Variants in PALS2 observed in about 807,000 individuals in gnomAD.
PALS2 encodes protein associated with LIN7 2, MAGUK p55 family member.
PALS2 carries 27 observed loss-of-function variants against 61.6 expected under a neutral mutation model. The observed-to-expected ratio is 0.44, with a 90% CI of 0.32 to 0.60. PALS2 has a LOEUF of 0.60. PALS2 is among the 20% of genes least tolerant of loss of function. The pLI is 0.05. For missense variants in PALS2, 554 were observed against 639.4 expected (o/e 0.87, Z 1.44); for synonymous variants, 236 against 218.6 (o/e 1.08, Z -0.70).
intron 5 of PALS2, 104 bp from the exon 6 acceptor site, chr7:24,663,486 T>C (rs1374389695): frequency 2.7e-6 from 3 of 1,120,894 alleles, no homozygotes; most frequent in Non-Finnish European, 3.7e-6. Context: ...AAGTACTAAA[T>C]ACATTGTCAG....
At chr7:24,641,526 G>T (rs1583927751) in intron 2 of PALS2, among the ~76,000 whole-genome samples, 190 bp from the exon 3 acceptor site, 4 of 151,822 alleles carry the variant, frequency 2.6e-5, no homozygotes, top group African/African-American at 4.8e-5. Flanking sequence ...TAGAGGCCAA[G>T]ATTTATTATA....
chr7:24,671,772 A>G (rs551592014), intron 9 of PALS2, among the ~76,000 whole-genome samples: 4 of 152,224 alleles, frequency 2.6e-5, no homozygotes, highest in Non-Finnish European at 4.4e-5. Context: ...TCCAGTTGTC[A>G]CAACACAATT....
chr7:24,619,650 G>A (rs537238533), intron 1 of PALS2, among the ~76,000 whole-genome samples: 2 of 150,778 alleles, frequency 1.3e-5, no homozygotes, highest in South Asian at 2.1e-4. Flanking sequence ...CCTGGGAGGC[G>A]GAGCTTGCAG....
intron 2 of PALS2, among the ~76,000 whole-genome samples, chr7:24,640,688 C>CT (rs1304991256): frequency 1.3e-5 from 2 of 152,240 alleles, no homozygotes; most frequent in East Asian, 3.9e-4. Flanking sequence ...TAACACTCGG[C>CT]TTTACTCCTA....
rs1215789303 is a variant in PALS2, at chr7:24,598,972, A to T, written c.-2-24694A>T. 2.6e-5 allele frequency among the ~76,000 whole-genome samples: 4 copies of T among 152,218 alleles called. No individual in the cohort carries two copies. In the South Asian group the frequency reaches 8.3e-4, roughly 32 times the overall value. Reference sequence around the variant, plus strand: ...TGTGAAATATTTCGCCCAGTACTTTAAAGGATGATACATAATCAAAAGTAA... The same window carrying T: ...TGTGAAATATTTCGCCCAGTACTTTTAAGGATGATACATAATCAAAAGTAA... On this transcript the variant is annotated intron_variant, in intron 1 of 11. Transcript: ENST00000222644.
chr7:24,645,368 TAGG>T (rs1562637765), intron 3 of PALS2, among the ~76,000 whole-genome samples: 55 of 152,316 alleles, frequency 3.6e-4, no homozygotes, highest in African/African-American at 1.3e-3. Flanking sequence ...ATTTATTGAA[TAGG>T]GAGTCTTTTC....
intron 2 of PALS2, among the ~76,000 whole-genome samples, chr7:24,635,949 T>C (rs1785214159): frequency 1.3e-5 from 2 of 152,080 alleles, no homozygotes; most frequent in Non-Finnish European, 2.9e-5. Context: ...CGGTGGCTCA[T>C]GCCTATAATC....
At chr7:24,634,919 C>G (rs1785168189) in intron 2 of PALS2, among the ~76,000 whole-genome samples, 2 of 152,154 alleles carry the variant, frequency 1.3e-5, no homozygotes, top group African/African-American at 4.8e-5. Flanking sequence ...ACTTTCAATT[C>G]TATTCCATTG....
intron 1 of PALS2, among the ~76,000 whole-genome samples, chr7:24,616,509 A>G (rs1425996918): frequency 6.6e-6 from 1 of 152,144 alleles, no homozygotes; most frequent in Non-Finnish European, 1.5e-5. Flanking sequence ...TTTCATTTAC[A>G]TGGAATATCT....
At chr7:24,615,705 T>C (rs1784271542) in intron 1 of PALS2, among the ~76,000 whole-genome samples, 4 of 152,056 alleles carry the variant, frequency 2.6e-5, no homozygotes, top group Non-Finnish European at 4.4e-5. Flanking sequence ...TCTAAACTCA[T>C]TCTACAAGGC....
In PALS2 at chr7:24,573,631, TCGCGCCG is replaced by T. The variant is rs1782533996; in HGVS notation, c.-3+46_-3+52del. 1 of 314,194 alleles carries T rather than the reference TCGCGCCG, an allele frequency of 3.2e-6. No homozygotes were observed. The highest frequency in any genetic ancestry group is 1.4e-4 in the South Asian group (1 of 7,090). 19.5% of individuals were successfully genotyped at this position (314,194 alleles called of 1,614,324 possible). A position where few individuals can be genotyped will look rare whatever the true frequency, so the allele number is the denominator to read the frequency against. On this transcript the variant is annotated intron_variant, in intron 1 of 11. Coordinates refer to ENST00000222644, the MANE Select transcript of PALS2 (RefSeq NM_001303037.2). This position sits in a 1 kb window ranked among gnomAD's most constrained non-coding sequence, Gnocchi z 5.3. ...GACCCCCACGCCGCTCGGGTAACGG[TCGCGCCG>T]CGCGCCGGGCCGGCCGGGGGCGCCC...
At chr7:24,641,904 G>C in intron 3 of PALS2, 36 bp downstream of exon 3, 4 of 1,589,030 alleles carry the variant, frequency 2.5e-6, no homozygotes, top group Non-Finnish European at 3.4e-6. Flanking sequence ...CAAGTTCCCT[G>C]TATTCCCAAA....
intron 1 of PALS2, among the ~76,000 whole-genome samples, chr7:24,577,941 TTTTG>T (rs1327437818): frequency 2.6e-5 from 4 of 151,944 alleles, no homozygotes; most frequent in Non-Finnish European, 4.4e-5. Context: ...TCTTGTCTCT[TTTTG>T]TTTTTGTTTT....
In PALS2 at chr7:24,692,634, G is replaced by C. The variant is rs547807360; in HGVS notation, c.*5020G>C. ...GTGGAAGGTCTGTTCTGCTCTCTTA[G>C]TCCTAATCAGAAAGTCCCTTTTATC... On this transcript the variant is annotated 3_prime_UTR_variant, in exon 12 of 12. Transcript: ENST00000222644. 7.2e-5 allele frequency: 11 copies of C among 152,196 alleles called. No homozygotes were observed. Among genetic ancestry groups the C allele is most frequent in the African/African-American group, 2.6e-4 (11 of 41,532 alleles). 9.4% of individuals were successfully genotyped at this position (152,196 alleles called of 1,614,324 possible). A position where few individuals can be genotyped will look rare whatever the true frequency, so the allele number is the denominator to read the frequency against.
At chr7:24,631,163 AT>A (rs373709836) in intron 2 of PALS2, among the ~76,000 whole-genome samples, 2 of 152,202 alleles carry the variant, frequency 1.3e-5, no homozygotes, top group African/African-American at 4.8e-5. Context: ...CATTAAGAAC[AT>A]TTGTGATGCA....
At chr7:24,613,908 G>A (rs1784200893) in intron 1 of PALS2, among the ~76,000 whole-genome samples, 1 of 151,922 alleles carries the variant, frequency 6.6e-6, no homozygotes, top group Admixed American at 6.6e-5. Context: ...TGCTGCACAT[G>A]ACAGGATTTT....
chr7:24,618,192 G>C lies in PALS2; in HGVS notation c.-2-5474G>C, dbSNP rs1032864029. Among the ~76,000 whole-genome samples, 1 of 152,142 alleles carries C rather than the reference G, an allele frequency of 6.6e-6. No homozygotes were observed. The highest frequency in any genetic ancestry group is 2.1e-4 in the South Asian group (1 of 4,822). On this transcript the variant is annotated intron_variant, in intron 1 of 11. Coordinates refer to ENST00000222644, the MANE Select transcript of PALS2 (RefSeq NM_001303037.2). This position sits in a 1 kb window ranked among gnomAD's most constrained non-coding sequence, Gnocchi z 5.1. ...ACATGTCAGCTGCTCAGTTGCTCAG[G>C]GACCTCTGCTGCTCAGGGGAGGGCA...
intron 5 of PALS2, among the ~76,000 whole-genome samples, chr7:24,661,947 T>C (rs1255711936): frequency 2.0e-5 from 3 of 152,174 alleles, no homozygotes; most frequent in Non-Finnish European, 4.4e-5. Context: ...CCAACTAAAT[T>C]TCCTTTGGTT....
At chr7:24,603,006 G>A (rs181523017) in intron 1 of PALS2, among the ~76,000 whole-genome samples, 6 of 152,212 alleles carry the variant, frequency 3.9e-5, no homozygotes, top group Admixed American at 3.9e-4. Context: ...GGAGCCATGT[G>A]GAACTGTGAG....
Sources: gnomAD v4.1 joint callset for allele counts (sites outside exome capture counted in the v4.1 genomes callset) on GRCh38, gnomAD v4.1.1 for gene constraint, Gnocchi (gnomAD v3.1) non-coding constraint, MANE v1.5 for transcripts, NCBI Gene and HGNC (gene_info 2026-07-23, HGNC 2026-07-21) for gene names.